Variants in FAM222B observed in about 807,000 individuals in gnomAD.
The protein encoded by FAM222B is protein FAM222B.
A neutral mutation model predicts 38.0 loss-of-function variants in FAM222B; 12 were observed. The observed-to-expected ratio is 0.32, with a 90% CI of 0.20 to 0.51. The LOEUF (loss-of-function observed/expected upper bound fraction) is 0.51, where lower values mean the gene tolerates loss of function less well. Ranked by LOEUF, FAM222B falls within the 20% of genes least tolerant of loss-of-function variation. The probability of loss-of-function intolerance (pLI) is 0.97; values close to 1 mark genes in which losing one functional copy is unlikely to be tolerated. For synonymous variants in FAM222B, 329 were observed against 317.2 expected (o/e 1.04, Z -0.40); for missense variants, 716 against 754.2 (o/e 0.95, Z 0.59).
At chr17:28,847,570 G>C (rs1341088477), upstream of FAM222B, among the ~76,000 whole-genome samples, 1 of 151,906 alleles carries the variant, frequency 6.6e-6, no homozygotes, top group Non-Finnish European at 1.5e-5. Context: ...CTGCAGCCTG[G>C]GCGACAGAGA....
In FAM222B at chr17:28,842,747, C is replaced by T. The variant is rs1205431949; in HGVS notation, c.-106G>A. On this transcript the variant is annotated 5_prime_UTR_variant, in exon 1 of 3. Transcript: ENST00000581407. ...CGCCCGCCGCCCGCCGCCACCACTT[C>T]TCCACTGCCCGGCCCCTCAGTCACC... is the stretch of plus-strand genomic sequence containing the variant. 6.6e-6 allele frequency: 1 copy of T among 151,000 alleles called. No homozygotes were observed. Among genetic ancestry groups the T allele is most frequent in the Non-Finnish European group, 1.5e-5 (1 of 68,510 alleles). 9.4% of individuals were successfully genotyped at this position (151,000 alleles called of 1,614,324 possible).
chr17:28,822,912 G>A (rs1192706385), intron 1 of FAM222B, among the ~76,000 whole-genome samples: 24 of 125,636 alleles, frequency 1.9e-4, no homozygotes, highest in Admixed American at 1.8e-4. Context: ...TATAGAATTA[G>A]CCAGGCGTGC....
In FAM222B at chr17:28,758,882, G is replaced by A. The variant is rs1384680425; in HGVS notation, c.1077C>T (p.Asp359=). Residue 359 remains aspartate (D), a synonymous_variant, in exon 3 of 3, where the codon GAC becomes GAT. Coordinates refer to ENST00000581407, the MANE Select transcript of FAM222B (RefSeq NM_001077498.3). ...GCTGGTTCCAGGTGACTGGCTTGAG[G>A]TCGCTAGGGTAGCCAGTGGGGACGC... ...ISRVPTGYPS[D]LKPVTWNQHQ... The A allele has an allele frequency of 6.2e-7, 1 of 1,608,096 alleles. No individual in the cohort carries two copies. The highest frequency in any genetic ancestry group is 8.5e-7 in the Non-Finnish European group (1 of 1,177,972).
At chr17:28,764,396 C>T (rs543558620) in intron 2 of FAM222B, among the ~76,000 whole-genome samples, 4 of 151,506 alleles carry the variant, frequency 2.6e-5, no homozygotes, top group East Asian at 3.9e-4. Context: ...GAGCCGAGAT[C>T]GTGCCACTGC....
At chr17:28,789,341 G>C (rs2036565537) in intron 1 of FAM222B, among the ~76,000 whole-genome samples, 1 of 151,474 alleles carries the variant, frequency 6.6e-6, no homozygotes, top group African/African-American at 2.4e-5. Context: ...GGGATTACAG[G>C]CACCCACCAC....
chr17:28,784,444 T>C (rs79133264), intron 1 of FAM222B, among the ~76,000 whole-genome samples: 1 of 122,118 alleles, frequency 8.2e-6, no homozygotes, highest in African/African-American at 3.1e-5. Flanking sequence ...CCTGTGAATA[T>C]CCACTGTACT....
chr17:28,841,602 C>G (rs1157697624), intron 1 of FAM222B, among the ~76,000 whole-genome samples: 1 of 152,126 alleles, frequency 6.6e-6, no homozygotes, highest in Admixed American at 6.6e-5. Flanking sequence ...TCTCCAACTT[C>G]TGACCTCGTG....
upstream of FAM222B, among the ~76,000 whole-genome samples, chr17:28,843,163 A>G (rs915931624): frequency 4.0e-5 from 6 of 149,278 alleles, no homozygotes; most frequent in Non-Finnish European, 8.9e-5. Context: ...TCTGAGTCGA[A>G]GTTTCGCTCT....
intron 1 of FAM222B, among the ~76,000 whole-genome samples, chr17:28,795,128 A>T (rs2036878622): frequency 6.6e-6 from 1 of 151,648 alleles, no homozygotes; most frequent in South Asian, 2.1e-4. Flanking sequence ...CCTATACAGC[A>T]AAAGAGACGT....
rs749558378 is a variant in FAM222B at position 28,758,321 on chromosome 17, GGGGGCTCGGTTGCCA to G, written c.1623_1637del (p.Gly542_Pro546del). The stretch of plus-strand genomic sequence containing the variant: ...GAAGACTTCGACTCTCTGTGGGATC[GGGGGCTCGGTTGCCA>G]GGGGCTCGGTGGGCCTTGCTCAGCA... On this transcript the variant is annotated inframe_deletion, in exon 3 of 3. Transcript: ENST00000581407. The G allele has an allele frequency of 8.7e-6, 14 of 1,608,926 alleles. No individual in the cohort carries two copies. The East Asian group carries it at 1.3e-4, about 15-fold the overall frequency.
At chr17:28,845,902 A>AAAAT (rs1179701141), upstream of FAM222B, among the ~76,000 whole-genome samples, 1 of 151,316 alleles carries the variant, frequency 6.6e-6, no homozygotes, top group African/African-American at 2.4e-5. Context: ...CTCAAAAAGA[A>AAAAT]AAATAAATAA....
chr17:28,809,591 T>A (rs1443883664), intron 1 of FAM222B, among the ~76,000 whole-genome samples: 3 of 152,182 alleles, frequency 2.0e-5, no homozygotes. Context: ...GTTCTATACA[T>A]AGTCTTCTGT....
intron 1 of FAM222B, among the ~76,000 whole-genome samples, chr17:28,821,736 T>C (rs776392595): frequency 6.6e-6 from 1 of 151,948 alleles, no homozygotes; most frequent in Non-Finnish European, 1.5e-5. Context: ...CTGAGGCAGG[T>C]GGATCACATG....
chr17:28,812,796 C>G lies in FAM222B; in HGVS notation c.-41+29886G>C, dbSNP rs1266233046. Reference sequence around the variant, plus strand: ...ACTTTCTGCCTGGGTACTAGGAGACCCCCCCCCACCCACGCGATACCTCCC... The same window carrying G: ...ACTTTCTGCCTGGGTACTAGGAGACGCCCCCCCACCCACGCGATACCTCCC... On this transcript the variant is annotated intron_variant, in intron 1 of 2. Transcript: ENST00000581407. 2.0e-5 allele frequency among the ~76,000 whole-genome samples: 3 copies of G among 150,146 alleles called. No individual in the cohort carries two copies. In the South Asian group the frequency reaches 6.3e-4, roughly 32 times the overall value.
rs747044894 is a variant in FAM222B at position 28,759,614 on chromosome 17, G to C, written c.345C>G (p.Asp115Glu). Residue 115 changes from aspartate to glutamate, a missense_variant, in exon 3 of 3, where the codon GAC becomes GAG. Coordinates refer to ENST00000581407, the MANE Select transcript of FAM222B (RefSeq NM_001077498.3). This position sits in a 1 kb window ranked among gnomAD's most constrained non-coding sequence, Gnocchi z 4.8. ...VKVPAKSILK[D>E]FDGTRARLLP... ...GCAACCGGGCTCGGGTGCCGTCAAAGTCCTTGAGTATGCTTTTGGCTGGCA... is the reference window on the plus strand; with the variant it reads ...GCAACCGGGCTCGGGTGCCGTCAAACTCCTTGAGTATGCTTTTGGCTGGCA... The C allele has an allele frequency of 1.9e-6, 3 of 1,612,900 alleles. No homozygotes were observed. In the African/African-American group the frequency reaches 4.0e-5, roughly 22 times the overall value.
At chr17:28,847,923 AAAAAG>A (rs1194350646) in intron 1 of FAM222B, among the ~76,000 whole-genome samples, 2 of 151,848 alleles carry the variant, frequency 1.3e-5, no homozygotes, top group South Asian at 2.1e-4. Context: ...CAAAAAAAAA[AAAAAG>A]AAAAGAAAAG....
chr17:28,840,258 T>C (rs1474954283), intron 1 of FAM222B, among the ~76,000 whole-genome samples: 2 of 151,920 alleles, frequency 1.3e-5, no homozygotes, highest in East Asian at 1.9e-4. Flanking sequence ...TCGCAACTAC[T>C]TGGAGGCTGA....
At position 28,759,661 on chromosome 17, in the gene FAM222B, C is replaced by T; in HGVS notation, c.298G>A (p.Gly100Ser). 6.2e-7 allele frequency: 1 copy of T among 1,613,406 alleles called. No individual in the cohort carries two copies. The highest frequency in any genetic ancestry group is 1.1e-5 in the South Asian group (1 of 90,958). ...PYPTQAATKAGLLAIVKVPAK... is the reference protein window; with the variant it reads ...PYPTQAATKASLLAIVKVPAK... Reference sequence around the variant, plus strand: ...GGCACTTTGACAATGGCAAGCAGGCCTGCCTTGGTGGCAGCCTGTGTCGGG... The same window carrying T: ...GGCACTTTGACAATGGCAAGCAGGCTTGCCTTGGTGGCAGCCTGTGTCGGG... The change falls in exon 3 of 3, where the codon GGC becomes AGC. Residue 100 changes from glycine to serine, a missense_variant. Physicochemically the swap from Gly to Ser is moderately conservative, Grantham distance 56. Coordinates refer to ENST00000581407, the MANE Select transcript of FAM222B (RefSeq NM_001077498.3). The surrounding 1 kb of genome is among the most constrained non-coding windows in gnomAD (Gnocchi z 4.8).
intron 1 of FAM222B, among the ~76,000 whole-genome samples, chr17:28,837,440 A>AT (rs1555591071): frequency 0.012 from 1,828 of 151,104 alleles, 18 homozygotes; most frequent in Admixed American, 0.038. Flanking sequence ...AAAAAAAAAA[A>AT]AAATAAATAA....
Sources: gnomAD v4.1 joint callset for allele counts (sites outside exome capture counted in the v4.1 genomes callset) on GRCh38, gnomAD v4.1.1 for gene constraint, Gnocchi (gnomAD v3.1) non-coding constraint, MANE v1.5 for transcripts, NCBI Gene and HGNC (gene_info 2026-07-23, HGNC 2026-07-21) for gene names.